The following GLIS3 variants were observed in gnomAD, a reference collection of about 807,000 sequenced individuals.
The protein encoded by GLIS3 is GLIS family zinc finger 3.
Under a neutral mutation model 78.6 loss-of-function variants are expected in GLIS3, and 53 were observed. The observed-to-expected ratio is 0.67, with a 90% CI of 0.54 to 0.85. GLIS3 has a LOEUF of 0.85. Ranked by LOEUF, GLIS3 falls within the 40% of genes least tolerant of loss-of-function variation. The pLI, the probability that GLIS3 is intolerant of heterozygous loss-of-function variation, is 0.00. For synonymous variants in GLIS3, 684 were observed against 509.9 expected (o/e 1.34, Z -4.60); for missense variants, 1,703 against 1,231.1 (o/e 1.38, Z -5.74).
At chr9:4,013,293 C>T (rs1822183163) in intron 4 of GLIS3, among the ~76,000 whole-genome samples, 1 of 152,160 alleles carries the variant, frequency 6.6e-6, no homozygotes, top group Non-Finnish European at 1.5e-5. Flanking sequence ...AGCCTATGAG[C>T]TTAAATACTG....
chr9:4,186,081 T>C (rs886686823), intron 2 of GLIS3, among the ~76,000 whole-genome samples: 1 of 151,954 alleles, frequency 6.6e-6, no homozygotes, highest in Non-Finnish European at 1.5e-5. Context: ...ACATGTGCCA[T>C]GCTGGTGTGC....
At chr9:4,033,056 G>A (rs999219167) in intron 4 of GLIS3, among the ~76,000 whole-genome samples, 1 of 151,904 alleles carries the variant, frequency 6.6e-6, no homozygotes, top group Non-Finnish European at 1.5e-5. Flanking sequence ...GGTTTCACCG[G>A]GTTAGCCAGG....
chr9:4,020,033 G>T (rs1235550327), intron 4 of GLIS3, among the ~76,000 whole-genome samples: 2 of 152,148 alleles, frequency 1.3e-5, no homozygotes, highest in Non-Finnish European at 1.5e-5. Context: ...TTACAGGCAT[G>T]AGCCACTGCA....
At chr9:4,417,687 AT>A in the GLIS3 span, among the ~76,000 whole-genome samples, 1 of 152,192 alleles carries the variant, frequency 6.6e-6, no homozygotes, top group African/African-American at 2.4e-5. Context: ...ATATCAATAA[AT>A]TTTGTTGTCC....
In GLIS3 at chr9:4,063,361, G is replaced by A. The variant is rs73641300; in HGVS notation, c.1710+54407C>T. On this transcript the variant is annotated intron_variant, in intron 4 of 10. Coordinates refer to ENST00000381971, the MANE Select transcript of GLIS3 (RefSeq NM_001042413.2). ...GCAAAGGGGATGATATGCTTGGCCT[G>A]TCAGTTCAGGAAAGCATAACAAGAT... 2.0e-3 allele frequency among the ~76,000 whole-genome samples: 312 copies of A among 152,200 alleles called. 1 individual carries two copies. The highest frequency in any genetic ancestry group is 7.2e-3 in the African/African-American group (297 of 41,532).
At chr9:4,266,370 G>C (rs143284240) in intron 2 of GLIS3, among the ~76,000 whole-genome samples, 1 of 152,018 alleles carries the variant, frequency 6.6e-6, no homozygotes, top group African/African-American at 2.4e-5. Context: ...GTCTGACATA[G>C]CTCTAAGAAA....
chr9:4,017,143 C>G (rs969851977), intron 4 of GLIS3, among the ~76,000 whole-genome samples: 1 of 152,114 alleles, frequency 6.6e-6, no homozygotes, highest in African/African-American at 2.4e-5. Context: ...ACACTGCCAC[C>G]CAGATATCTG....
chr9:3,957,732 C>T (rs1817236763), intron 4 of GLIS3, among the ~76,000 whole-genome samples: 1 of 152,186 alleles, frequency 6.6e-6, no homozygotes, highest in Non-Finnish European at 1.5e-5. Flanking sequence ...TTGTCATTCC[C>T]AGTCCATCTC....
intron 2 of GLIS3, among the ~76,000 whole-genome samples, chr9:4,158,860 G>C (rs1229691985): frequency 1.3e-5 from 2 of 152,082 alleles, no homozygotes. Context: ...AGGCTACTCT[G>C]AACTGAGTGG....
the GLIS3 span, among the ~76,000 whole-genome samples, chr9:4,411,312 C>T: frequency 6.6e-6 from 1 of 152,174 alleles, no homozygotes; most frequent in African/African-American, 2.4e-5. Flanking sequence ...AGGTCTATCT[C>T]TACGCCTTTT....
intron 2 of GLIS3, among the ~76,000 whole-genome samples, chr9:4,330,359 G>T (rs1198377145): frequency 6.6e-6 from 1 of 152,262 alleles, no homozygotes; most frequent in Non-Finnish European, 1.5e-5. Flanking sequence ...CACAGGCCCT[G>T]CGAGTTGGCA....
At chr9:4,386,197 T>C in the GLIS3 span, among the ~76,000 whole-genome samples, 3 of 152,324 alleles carry the variant, frequency 2.0e-5, no homozygotes, top group South Asian at 4.1e-4. Flanking sequence ...ATCACCCTAA[T>C]CACCCTACTC....
At chr9:4,150,685 C>A (rs1220262836) in intron 2 of GLIS3, among the ~76,000 whole-genome samples, 1 of 152,188 alleles carries the variant, frequency 6.6e-6, no homozygotes, top group South Asian at 2.1e-4. Flanking sequence ...TCTCTGCCCC[C>A]ACCATGCTTT....
At chr9:4,373,282 C>G in the GLIS3 span, among the ~76,000 whole-genome samples, 1 of 98,616 alleles carries the variant, frequency 1.0e-5, no homozygotes, top group East Asian at 3.5e-4. Flanking sequence ...CTTCCAGGTC[C>G]CCTTCACCTA....
At chr9:4,177,374 T>G (rs995129734) in intron 2 of GLIS3, among the ~76,000 whole-genome samples, 1 of 152,208 alleles carries the variant, frequency 6.6e-6, no homozygotes, top group African/African-American at 2.4e-5. Context: ...TGCCATTAAC[T>G]AGTTAGAACA....
chr9:4,288,647 G>A (rs1828199745), intron 1 of GLIS3, among the ~76,000 whole-genome samples: 1 of 152,182 alleles, frequency 6.6e-6, no homozygotes. Context: ...TAAGTATCAG[G>A]CATTCACATC....
At chr9:4,061,505 TAAG>T (rs1826654862) in intron 4 of GLIS3, among the ~76,000 whole-genome samples, 1 of 152,038 alleles carries the variant, frequency 6.6e-6, no homozygotes, top group South Asian at 2.1e-4. Context: ...CATCACAACA[TAAG>T]AAGAGAATAA....
intron 9 of GLIS3, among the ~76,000 whole-genome samples, chr9:3,853,482 A>G (rs1450537169): frequency 1.3e-5 from 2 of 151,906 alleles, no homozygotes; most frequent in Non-Finnish European, 2.9e-5. Context: ...CATTATCCCT[A>G]TTCTCAAAGA....
chr9:3,913,789 G>A (rs1287352182), intron 6 of GLIS3, among the ~76,000 whole-genome samples: 1 of 152,142 alleles, frequency 6.6e-6, no homozygotes, highest in Non-Finnish European at 1.5e-5. Context: ...CAATATGTGT[G>A]CACATCATAA....
Sources: gnomAD v4.1 joint callset for allele counts (sites outside exome capture counted in the v4.1 genomes callset) on GRCh38, gnomAD v4.1.1 for gene constraint, MANE v1.5 for transcripts, NCBI Gene and HGNC (gene_info 2026-07-23, HGNC 2026-07-21) for gene names.